JAKMIP2: variants seen among roughly 807,000 people sequenced by gnomAD.
The protein encoded by JAKMIP2 is janus kinase and microtubule-interacting protein 2.
In JAKMIP2, 25 loss-of-function variants were observed where a neutral mutation model predicts 115.0. The observed-to-expected ratio is 0.22, with a 90% CI of 0.16 to 0.30. The LOEUF is 0.30. JAKMIP2 is among the 10% of genes least tolerant of loss of function. The pLI is 1.00. For synonymous variants in JAKMIP2, 334 were observed against 343.6 expected, an observed-to-expected ratio of 0.97 and a Z score of 0.31; for missense variants, 642 against 957.6, an observed-to-expected ratio of 0.67 and a Z score of 4.35.
chr5:147,742,759 A>G (rs1754197632), intron 1 of JAKMIP2, among the ~76,000 whole-genome samples: 2 of 152,116 alleles, frequency 1.3e-5, no homozygotes, highest in African/African-American at 2.4e-5. Flanking sequence ...AAATGATGCT[A>G]GTCCTTCCTC....
intron 1 of JAKMIP2, among the ~76,000 whole-genome samples, chr5:147,693,402 G>C (rs2126866240): frequency 6.6e-6 from 1 of 152,270 alleles, no homozygotes; most frequent in South Asian, 2.1e-4. Flanking sequence ...TCAGACATGT[G>C]ACATTTGATG....
intron 3 of JAKMIP2, among the ~76,000 whole-genome samples, chr5:147,655,625 T>C (rs1758638285): frequency 6.6e-6 from 1 of 152,124 alleles, no homozygotes; most frequent in African/African-American, 2.4e-5. Flanking sequence ...TCTGTTTTGT[T>C]AATTTTTTAA....
intron 1 of JAKMIP2, among the ~76,000 whole-genome samples, chr5:147,748,878 A>G: frequency 6.6e-6 from 1 of 152,122 alleles, no homozygotes; most frequent in Non-Finnish European, 1.5e-5. Flanking sequence ...TTCACTGTGA[A>G]CCAGAAGACC....
intron 20 of JAKMIP2, among the ~76,000 whole-genome samples, chr5:147,603,918 C>G (rs1755852405): frequency 6.6e-6 from 1 of 151,896 alleles, no homozygotes; most frequent in East Asian, 1.9e-4. Flanking sequence ...TGTTTTCTCC[C>G]CTTTTTGTTT....
chr5:147,773,582 C>T (rs1021625499), intron 1 of JAKMIP2, among the ~76,000 whole-genome samples: 1 of 151,928 alleles, frequency 6.6e-6, no homozygotes, highest in Non-Finnish European at 1.5e-5. Flanking sequence ...TTTCAATAAC[C>T]GTACGTAGGA....
intron 1 of JAKMIP2, among the ~76,000 whole-genome samples, chr5:147,703,996 A>G (rs1362721729): frequency 5.3e-4 from 81 of 152,254 alleles, no homozygotes; most frequent in Non-Finnish European, 5.9e-5. Flanking sequence ...GTCAGGGGTC[A>G]GGATCACTAG....
At chr5:147,618,201 T>C (rs2126645714) in intron 18 of JAKMIP2, 87 bp from the exon 19 acceptor site, 2 of 957,452 alleles carry the variant, frequency 2.1e-6, no homozygotes, top group South Asian at 1.4e-5. Context: ...TATATGTATA[T>C]GGCTGCCAAC....
intron 1 of JAKMIP2, among the ~76,000 whole-genome samples, chr5:147,754,769 ATAGC>A (rs1406947519): frequency 8.5e-5 from 13 of 152,220 alleles, no homozygotes; most frequent in Non-Finnish European, 1.6e-4. Flanking sequence ...CCAGGGCCTC[ATAGC>A]TAATTATTGT....
At chr5:147,764,821 G>C (rs1403351208) in intron 1 of JAKMIP2, among the ~76,000 whole-genome samples, 1 of 150,140 alleles carries the variant, frequency 6.7e-6, no homozygotes, top group Non-Finnish European at 1.5e-5. Context: ...AGGAGGCAGA[G>C]GTTGCAGTGA....
chr5:147,632,336 C>T (rs1023471831), intron 13 of JAKMIP2, among the ~76,000 whole-genome samples: 2 of 152,094 alleles, frequency 1.3e-5, no homozygotes, highest in Non-Finnish European at 2.9e-5. Flanking sequence ...TAAGGATGGA[C>T]ATGAGTATTT....
At chr5:147,773,704 T>C (rs1468278837) in intron 1 of JAKMIP2, among the ~76,000 whole-genome samples, 4 of 152,104 alleles carry the variant, frequency 2.6e-5, no homozygotes, top group African/African-American at 7.2e-5. Context: ...CATGTTTAAG[T>C]GTGCATTTGG....
chr5:147,644,803 T>G (rs772755328), intron 6 of JAKMIP2, 47 bp downstream of exon 6: 1 of 1,516,286 alleles, frequency 6.6e-7, no homozygotes, highest in Non-Finnish European at 9.0e-7. Context: ...GTTATTAAGG[T>G]AATATAATCA....
intron 9 of JAKMIP2, 26 bp from the exon 10 acceptor site, chr5:147,639,786 A>G (rs761167022): frequency 1.2e-6 from 2 of 1,608,902 alleles, no homozygotes; most frequent in Non-Finnish European, 1.7e-6. Flanking sequence ...AAAAGCCCCA[A>G]AACAATTGTG....
At chr5:147,597,029 T>C (rs6580486) in intron 21 of JAKMIP2, among the ~76,000 whole-genome samples, 143,695 of 151,068 alleles carry the variant, frequency 0.95, 68,744 homozygotes, top group East Asian at 1. Flanking sequence ...CGGACCACCA[T>C]GCCTGGCTAA....
intron 3 of JAKMIP2, among the ~76,000 whole-genome samples, chr5:147,651,494 A>C (rs1414061552): frequency 6.6e-6 from 1 of 152,222 alleles, no homozygotes; most frequent in East Asian, 1.9e-4. Flanking sequence ...CTATGTGTAC[A>C]TTCAAAATGG....
At chr5:147,601,711 C>A in intron 21 of JAKMIP2, 30 bp downstream of exon 21, 1 of 1,472,072 alleles carries the variant, frequency 6.8e-7, no homozygotes, top group Non-Finnish European at 9.1e-7. Context: ...CCTCTTAGAA[C>A]CACATTTTGA....
At chr5:147,594,896 A>G (rs181679740) in intron 21 of JAKMIP2, among the ~76,000 whole-genome samples, 1 of 152,190 alleles carries the variant, frequency 6.6e-6, no homozygotes. Context: ...GGTAGGGAAG[A>G]CATAATAATA....
intron 2 of JAKMIP2, among the ~76,000 whole-genome samples, chr5:147,663,578 T>C (rs1759142494): frequency 6.6e-6 from 1 of 152,226 alleles, no homozygotes; most frequent in South Asian, 2.1e-4. Context: ...CTTTTATAGA[T>C]ACATCTATCC....
At chr5:147,752,397 G>A (rs567538562) in intron 1 of JAKMIP2, among the ~76,000 whole-genome samples, 4 of 152,270 alleles carry the variant, frequency 2.6e-5, no homozygotes, top group African/African-American at 9.6e-5. Context: ...ATTTTAACAA[G>A]GATCACCCTG....
Sources: allele counts gnomAD v4.1 joint callset (sites outside exome capture counted in the v4.1 genomes callset), GRCh38; gene constraint gnomAD v4.1.1; transcripts MANE v1.5; gene names NCBI Gene and HGNC (gene_info 2026-07-23, HGNC 2026-07-21).